Variants in ROBO2 observed in about 807,000 individuals in gnomAD.
The protein encoded by ROBO2 is roundabout homolog 2.
Under a neutral mutation model 160.8 loss-of-function variants are expected in ROBO2, and 53 were observed. The ratio of observed to expected loss-of-function variants is 0.33; its 90% CI spans 0.26 to 0.41. The LOEUF (loss-of-function observed/expected upper bound fraction) is 0.41. Among genes scored for constraint, ROBO2 ranks in the 10% least tolerant of loss-of-function variants. The probability of loss-of-function intolerance (pLI) is 1.00; values close to 1 mark genes in which losing one functional copy is unlikely to be tolerated. For synonymous variants in ROBO2, 664 were observed against 611.7 expected (o/e 1.09, Z -1.26); for missense variants, 1,577 against 1,722.4 (o/e 0.92, Z 1.49).
intron 2 of ROBO2, among the ~76,000 whole-genome samples, chr3:76,056,778 T>C (rs1196549709): frequency 6.6e-6 from 1 of 152,192 alleles, no homozygotes; most frequent in Non-Finnish European, 1.5e-5. Flanking sequence ...CAAGTGGTGA[T>C]TGGTAGCACT....
intron 1 of ROBO2, among the ~76,000 whole-genome samples, chr3:75,934,311 G>A (rs1947674497): frequency 6.6e-6 from 1 of 152,068 alleles, no homozygotes; most frequent in Admixed American, 6.6e-5. Flanking sequence ...AGAGCAATAG[G>A]TACAAGTAAA....
intron 2 of ROBO2, among the ~76,000 whole-genome samples, chr3:76,831,268 G>C (rs1251333523): frequency 6.6e-6 from 1 of 152,002 alleles, no homozygotes. Flanking sequence ...TGCTATTTAG[G>C]TATGTAATAA....
At chr3:77,252,831 A>AAAAATATATAT in intron 2 of ROBO2, among the ~76,000 whole-genome samples, 2 of 12,520 alleles carry the variant, frequency 1.6e-4, no homozygotes, top group African/African-American at 3.2e-4. Context: ...AAAAAAAAAA[A>AAAAATATATAT]ATATATATAT....
intron 2 of ROBO2, among the ~76,000 whole-genome samples, chr3:76,132,030 G>T (rs185939144): frequency 9.9e-5 from 15 of 152,214 alleles, no homozygotes; most frequent in Admixed American, 9.2e-4. Context: ...AGCCTTCTGT[G>T]TGGAGGATCC....
intron 2 of ROBO2, among the ~76,000 whole-genome samples, chr3:77,411,725 C>G (rs1011120940): frequency 6.6e-6 from 1 of 152,148 alleles, no homozygotes; most frequent in Non-Finnish European, 1.5e-5. Flanking sequence ...TGTGTAAACT[C>G]TATCTGGAAG....
intron 2 of ROBO2, among the ~76,000 whole-genome samples, chr3:77,228,779 A>G (rs1005303425): frequency 6.6e-6 from 1 of 152,218 alleles, no homozygotes; most frequent in Non-Finnish European, 1.5e-5. Flanking sequence ...AATCTTAACA[A>G]AATCCAAAAA....
intron 2 of ROBO2, among the ~76,000 whole-genome samples, chr3:76,001,900 TA>T (rs2065899542): frequency 6.6e-6 from 1 of 152,210 alleles, no homozygotes; most frequent in African/African-American, 2.4e-5. Context: ...AGGTTTAAAA[TA>T]ATAGATTGAC....
intron 2 of ROBO2, among the ~76,000 whole-genome samples, chr3:76,667,144 G>T (rs77623587): frequency 1.3e-4 from 20 of 152,146 alleles, no homozygotes; most frequent in Admixed American, 1.2e-3. Flanking sequence ...AACGTCCCAG[G>T]GGAGAAGTTA....
chr3:77,605,983 A>G (rs967115673), intron 20 of ROBO2, among the ~76,000 whole-genome samples: 1 of 152,218 alleles, frequency 6.6e-6, no homozygotes, highest in African/African-American at 2.4e-5. Flanking sequence ...CCGAGTTCTG[A>G]TACTACAACA....
At chr3:76,339,798 C>A (rs1350524552) in intron 2 of ROBO2, among the ~76,000 whole-genome samples, 2 of 151,928 alleles carry the variant, frequency 1.3e-5, no homozygotes, top group Non-Finnish European at 2.9e-5. Context: ...TTAATCGTTA[C>A]AATAATTCAT....
At chr3:76,074,987 A>C (rs1359203231) in intron 2 of ROBO2, among the ~76,000 whole-genome samples, 1 of 152,168 alleles carries the variant, frequency 6.6e-6, no homozygotes, top group Non-Finnish European at 1.5e-5. Flanking sequence ...TACTTGGGGG[A>C]TGAGACCTAA....
At chr3:77,533,170 T>C (rs961193813) in intron 6 of ROBO2, among the ~76,000 whole-genome samples, 5 of 152,174 alleles carry the variant, frequency 3.3e-5, no homozygotes, top group Non-Finnish European at 7.4e-5. Flanking sequence ...AAACATACTA[T>C]GTTCTTCTCA....
chr3:76,655,458 AT>A (rs1428872972), intron 2 of ROBO2, among the ~76,000 whole-genome samples: 2 of 138,588 alleles, frequency 1.4e-5, no homozygotes, highest in African/African-American at 2.6e-5. Flanking sequence ...ATATATATGG[AT>A]TTTTTTCCCT....
chr3:77,509,553 T>C (rs771932710), intron 5 of ROBO2, among the ~76,000 whole-genome samples: 3 of 151,956 alleles, frequency 2.0e-5, no homozygotes, highest in Non-Finnish European at 2.9e-5. Flanking sequence ...GAGAGAATAT[T>C]TGAAGTGGAA....
chr3:76,906,094 CA>C (rs1326740167), intron 2 of ROBO2, among the ~76,000 whole-genome samples: 1 of 152,078 alleles, frequency 6.6e-6, no homozygotes, highest in Non-Finnish European at 1.5e-5. Flanking sequence ...AGTCTATGGA[CA>C]ATTGATTATT....
intron 2 of ROBO2, among the ~76,000 whole-genome samples, chr3:77,153,021 G>A (rs1024867019): frequency 6.6e-6 from 1 of 152,104 alleles, no homozygotes; most frequent in African/African-American, 2.4e-5. Context: ...ATTATTTAAG[G>A]TGTGGTCTTT....
chr3:76,723,773 C>T (rs2093502942), intron 2 of ROBO2, among the ~76,000 whole-genome samples: 1 of 152,206 alleles, frequency 6.6e-6, no homozygotes, highest in Admixed American at 6.5e-5. Flanking sequence ...AATATTTATA[C>T]AGATTATAAT....
At chr3:76,469,397 T>C (rs1317405905) in intron 2 of ROBO2, among the ~76,000 whole-genome samples, 3 of 152,096 alleles carry the variant, frequency 2.0e-5, no homozygotes, top group Non-Finnish European at 4.4e-5. Context: ...GCCAGAATGA[T>C]ACAGTGGTGA....
intron 2 of ROBO2, among the ~76,000 whole-genome samples, chr3:76,636,145 T>A (rs1268609980): frequency 6.6e-6 from 1 of 152,244 alleles, no homozygotes; most frequent in Non-Finnish European, 1.5e-5. Flanking sequence ...TTCCATCACT[T>A]ATCCTCATTC....
Sources: gnomAD v4.1 joint callset for allele counts (sites outside exome capture counted in the v4.1 genomes callset) on GRCh38, gnomAD v4.1.1 for gene constraint, MANE v1.5 for transcripts, NCBI Gene and HGNC (gene_info 2026-07-23, HGNC 2026-07-21) for gene names.